CSMD1: variants seen among roughly 807,000 people sequenced by gnomAD.
The protein encoded by CSMD1 is CUB and sushi domain-containing protein 1.
CSMD1 carries 213 observed loss-of-function variants against 417.5 expected under a neutral mutation model. That is an observed-to-expected ratio of 0.51 (90% confidence interval 0.46 to 0.57). CSMD1 has a LOEUF of 0.57. Among genes scored for constraint, CSMD1 ranks in the 20% least tolerant of loss-of-function variants. The probability of loss-of-function intolerance (pLI) is 0.00; values close to 1 mark genes in which losing one functional copy is unlikely to be tolerated. For synonymous variants in CSMD1, 2,862 were observed against 1,736.8 expected (o/e 1.65, Z -16.11); for missense variants, 6,923 against 4,529.7 (o/e 1.53, Z -15.17).
chr8:4,456,975 G>GTT lies in CSMD1; in HGVS notation c.303-36911_303-36910insAA, dbSNP rs1563196115. On this transcript the variant is annotated intron_variant, in intron 2 of 69. Transcript: ENST00000635120. ...ATTTACAAGAGATTTTGATGAGTGT[G>GTT]GTTTTTTTTTAAAAAAAAAAAAAAC... is the stretch of plus-strand genomic sequence containing the variant. 3.3e-3 allele frequency among the ~76,000 whole-genome samples: 168 copies of GTT among 50,356 alleles called. 1 individual carries two copies. Among genetic ancestry groups the GTT allele is most frequent in the African/African-American group, 7.6e-3 (145 of 19,178 alleles). 33.0% of individuals were successfully genotyped at this position (50,356 alleles called of 152,430 possible). A position where few individuals can be genotyped will look rare whatever the true frequency, so the allele number is the denominator to read the frequency against.
intron 4 of CSMD1, among the ~76,000 whole-genome samples, chr8:4,010,407 A>G (rs73182048): frequency 6.6e-6 from 1 of 152,228 alleles, no homozygotes; most frequent in African/African-American, 2.4e-5. Flanking sequence ...CTACCTCTGC[A>G]CAAATTCTCG....
chr8:4,800,924 G>C lies in CSMD1; in HGVS notation c.86-163366C>G, dbSNP rs1048196212. On this transcript the variant is annotated intron_variant, in intron 1 of 69. Coordinates refer to ENST00000635120, the MANE Select transcript of CSMD1 (RefSeq NM_033225.6). Reference sequence around the variant, plus strand: ...ACTCATCACAGATTCTGTAATATCGGAAATAAATCTCCTGATTGTTATTTT... The same window carrying C: ...ACTCATCACAGATTCTGTAATATCGCAAATAAATCTCCTGATTGTTATTTT... 7.2e-5 allele frequency among the ~76,000 whole-genome samples: 11 copies of C among 152,176 alleles called. No individual in the cohort carries two copies. In the East Asian group the frequency reaches 2.1e-3, roughly 29 times the overall value.
intron 51 of CSMD1, among the ~76,000 whole-genome samples, chr8:3,026,977 C>T (rs2128975173): frequency 6.6e-6 from 1 of 152,120 alleles, no homozygotes; most frequent in South Asian, 2.1e-4. Flanking sequence ...GAGAAAGCGG[C>T]CATTAAGGCT....
At chr8:4,884,220 T>G (rs1803583559) in intron 1 of CSMD1, among the ~76,000 whole-genome samples, 1 of 152,000 alleles carries the variant, frequency 6.6e-6, no homozygotes, top group African/African-American at 2.4e-5. Context: ...TGTGTGTGTG[T>G]GTACACACAC....
intron 2 of CSMD1, among the ~76,000 whole-genome samples, chr8:4,498,262 A>G (rs532623507): frequency 1.3e-5 from 2 of 152,294 alleles, no homozygotes; most frequent in South Asian, 4.1e-4. Flanking sequence ...ATCAAAGTAC[A>G]AACTACTTGT....
At chr8:4,393,338 A>G (rs890936842) in intron 3 of CSMD1, among the ~76,000 whole-genome samples, 1 of 152,192 alleles carries the variant, frequency 6.6e-6, no homozygotes, top group South Asian at 2.1e-4. Context: ...TTGAGGCAGC[A>G]GAAAAATCAT....
At chr8:4,513,341 G>C (rs1232498141) in intron 2 of CSMD1, among the ~76,000 whole-genome samples, 3 of 152,076 alleles carry the variant, frequency 2.0e-5, no homozygotes, top group Non-Finnish European at 4.4e-5. Context: ...AAAACATAAA[G>C]CAGCAAACAT....
chr8:3,824,617 T>G (rs1449777899), intron 5 of CSMD1, among the ~76,000 whole-genome samples: 1 of 152,196 alleles, frequency 6.6e-6, no homozygotes. Flanking sequence ...GATATTTTAT[T>G]AATGTTTTTC....
intron 3 of CSMD1, among the ~76,000 whole-genome samples, chr8:4,231,057 G>A (rs776995204): frequency 6.6e-6 from 1 of 152,100 alleles, no homozygotes; most frequent in African/African-American, 2.4e-5. Flanking sequence ...GGAAAATTGG[G>A]GAAAGCGTTT....
chr8:4,673,491 T>A (rs1805478948), intron 1 of CSMD1, among the ~76,000 whole-genome samples: 1 of 152,172 alleles, frequency 6.6e-6, no homozygotes, highest in African/African-American at 2.4e-5. Flanking sequence ...AGGAAATGAT[T>A]GCTATGTGTT....
chr8:4,911,881 G>A (rs1420486601), intron 1 of CSMD1, among the ~76,000 whole-genome samples: 1 of 151,946 alleles, frequency 6.6e-6, no homozygotes, highest in African/African-American at 2.4e-5. Context: ...AGGCTTCTGA[G>A]AAGCTCATCA....
intron 10 of CSMD1, among the ~76,000 whole-genome samples, chr8:3,570,166 G>A (rs923350443): frequency 1.3e-5 from 2 of 152,190 alleles, no homozygotes; most frequent in Non-Finnish European, 1.5e-5. Flanking sequence ...TACATCATGA[G>A]TTTTAATGGA....
intron 1 of CSMD1, among the ~76,000 whole-genome samples, chr8:4,838,290 G>T (rs1800622208): frequency 6.6e-6 from 1 of 152,226 alleles, no homozygotes; most frequent in Non-Finnish European, 1.5e-5. Context: ...GGAGACGTCA[G>T]TCACTGTGCT....
At chr8:3,274,426 T>G (rs1251650949) in intron 26 of CSMD1, among the ~76,000 whole-genome samples, 1 of 152,196 alleles carries the variant, frequency 6.6e-6, no homozygotes, top group East Asian at 1.9e-4. Flanking sequence ...TGGAGAGTTC[T>G]GTAGATGTCT....
intron 2 of CSMD1, among the ~76,000 whole-genome samples, chr8:4,470,963 T>C (rs1453130170): frequency 6.6e-6 from 1 of 152,224 alleles, no homozygotes; most frequent in Non-Finnish European, 1.5e-5. Context: ...GACATGTCAA[T>C]TCAGTGTCTT....
chr8:4,543,360 T>TTTTCTGA (rs1448107477), intron 2 of CSMD1, among the ~76,000 whole-genome samples: 2 of 152,124 alleles, frequency 1.3e-5, no homozygotes, highest in Non-Finnish European at 2.9e-5. Context: ...TAGTTCTGCC[T>TTTTCTGA]TTTCCAGAAT....
intron 5 of CSMD1, among the ~76,000 whole-genome samples, chr8:3,764,543 G>C (rs571158620): frequency 6.6e-6 from 1 of 152,026 alleles, no homozygotes; most frequent in Non-Finnish European, 1.5e-5. Flanking sequence ...ACCAGGTGGG[G>C]AGTACAGGTT....
chr8:4,804,626 A>C (rs930103376), intron 1 of CSMD1, among the ~76,000 whole-genome samples: 5 of 152,150 alleles, frequency 3.3e-5, no homozygotes, highest in Non-Finnish European at 7.4e-5. Context: ...GGGATATAAA[A>C]GGCAGAGAGA....
At chr8:3,081,328 T>A (rs1166017594) in intron 49 of CSMD1, among the ~76,000 whole-genome samples, 1 of 152,206 alleles carries the variant, frequency 6.6e-6, no homozygotes. Flanking sequence ...TATGTAAGAA[T>A]AAACGGACTG....
Sources: allele counts gnomAD v4.1 joint callset (sites outside exome capture counted in the v4.1 genomes callset), GRCh38; gene constraint gnomAD v4.1.1; transcripts MANE v1.5; gene names NCBI Gene and HGNC (gene_info 2026-07-23, HGNC 2026-07-21).